TACR3: variants seen among roughly 807,000 people sequenced by gnomAD.
TACR3 encodes tachykinin receptor 3, also known as neuromedin-K receptor.
In TACR3, 34 loss-of-function variants were observed where a neutral mutation model predicts 35.0. That is an observed-to-expected ratio of 0.97 (90% CI 0.74 to 1.30). The LOEUF (loss-of-function observed/expected upper bound fraction) is 1.30, where lower values mean the gene tolerates loss of function less well. TACR3 is among the 50% of genes most tolerant of loss of function. The pLI is 0.00. For missense variants in TACR3, 558 were observed against 591.7 expected (o/e 0.94, Z 0.59); for synonymous variants, 233 against 221.1 (o/e 1.05, Z -0.48).
chr4:103,594,503 T>A (rs950105528), intron 3 of TACR3, among the ~76,000 whole-genome samples: 7 of 152,154 alleles, frequency 4.6e-5, no homozygotes, highest in Non-Finnish European at 8.8e-5. Context: ...ATGGGGCACA[T>A]GAAAGCATTA....
intron 1 of TACR3, among the ~76,000 whole-genome samples, chr4:103,683,240 C>T (rs1042622813): frequency 5.3e-5 from 8 of 151,666 alleles, no homozygotes; most frequent in Admixed American, 2.0e-4. Flanking sequence ...GAATTAAATG[C>T]TTACATAAAA....
intron 1 of TACR3, among the ~76,000 whole-genome samples, chr4:103,671,387 G>A (rs865915835): frequency 6.6e-6 from 1 of 151,850 alleles, no homozygotes; most frequent in Non-Finnish European, 1.5e-5. Context: ...TTAAATGTTT[G>A]GTAGAATTAA....
At chr4:103,598,555 T>C (rs1288038827) in intron 3 of TACR3, among the ~76,000 whole-genome samples, 2 of 152,202 alleles carry the variant, frequency 1.3e-5, no homozygotes, top group Non-Finnish European at 2.9e-5. Context: ...TGGTATTGCC[T>C]ATGTTTTCTT....
At chr4:103,638,728 TCAAA>T (rs1725271020) in intron 3 of TACR3, among the ~76,000 whole-genome samples, 2 of 151,930 alleles carry the variant, frequency 1.3e-5, no homozygotes, top group South Asian at 4.2e-4. Flanking sequence ...TACAATGAAC[TCAAA>T]CAAATTTACA....
intron 3 of TACR3, among the ~76,000 whole-genome samples, chr4:103,629,317 G>T (rs1258792008): frequency 6.6e-6 from 1 of 152,044 alleles, no homozygotes; most frequent in African/African-American, 2.4e-5. Context: ...AAGAAATAAA[G>T]GGTATTCAAT....
intron 1 of TACR3, among the ~76,000 whole-genome samples, chr4:103,670,719 T>C (rs188718125): frequency 2.0e-4 from 30 of 152,160 alleles, no homozygotes; most frequent in Non-Finnish European, 3.5e-4. Flanking sequence ...TCATTTTTAG[T>C]GGAGTCTTTA....
chr4:103,660,397 G>A (rs754776290), intron 1 of TACR3, among the ~76,000 whole-genome samples: 30 of 152,138 alleles, frequency 2.0e-4, no homozygotes, highest in Non-Finnish European at 3.5e-4. Flanking sequence ...AGGGCTCAAT[G>A]TATATAAAGT....
intron 4 of TACR3, chr4:103,591,286 G>T (rs1578215696): frequency 8.1e-6 from 5 of 614,494 alleles, no homozygotes; most frequent in South Asian, 7.9e-5. Context: ...ATTATTTGGG[G>T]CATCTAATTA....
chr4:103,662,713 T>G (rs762531197), intron 1 of TACR3, among the ~76,000 whole-genome samples: 1 of 152,098 alleles, frequency 6.6e-6, no homozygotes, highest in Non-Finnish European at 1.5e-5. Flanking sequence ...GAAACAGATA[T>G]GTAGGGAGAA....
intron 1 of TACR3, among the ~76,000 whole-genome samples, chr4:103,718,193 G>T (rs1246488051): frequency 1.3e-5 from 2 of 152,084 alleles, no homozygotes; most frequent in African/African-American, 4.8e-5. Context: ...GTTTGTTAAT[G>T]TTTAAAAATA....
At position 103,591,560 on chromosome 4, in the gene TACR3, A is replaced by G. The variant is rs377081134; in HGVS notation, c.1012T>C (p.Tyr338His). 6.2e-7 allele frequency: 1 copy of G among 1,613,832 alleles called. No individual in the cohort carries two copies. The highest frequency in any genetic ancestry group is 1.3e-5 in the African/African-American group (1 of 74,930). ...ATTGCCAGCCAAAAGCTAGCCAGGT[A>G]GACCTGCTGGATGTATTTCCATCTA... ...LNRWKYIQQV[Y>H]LASFWLAMSS... Residue 338 changes from tyrosine to histidine, a missense_variant, in exon 4 of 5, where the codon TAC (tyrosine) becomes CAC (histidine). Coordinates refer to ENST00000304883, the MANE Select transcript of TACR3 (RefSeq NM_001059.3).
At chr4:103,611,155 G>C (rs888843088) in intron 3 of TACR3, among the ~76,000 whole-genome samples, 1 of 151,972 alleles carries the variant, frequency 6.6e-6, no homozygotes, top group Non-Finnish European at 1.5e-5. Flanking sequence ...CTATTTCTGT[G>C]AACACTTTCA....
chr4:103,631,229 T>C (rs1725057835), intron 3 of TACR3, among the ~76,000 whole-genome samples: 1 of 151,992 alleles, frequency 6.6e-6, no homozygotes, highest in African/African-American at 2.4e-5. Flanking sequence ...CTAATGTAAA[T>C]GACGAGTTGA....
intron 1 of TACR3, among the ~76,000 whole-genome samples, chr4:103,707,571 T>A (rs565010971): frequency 1.3e-5 from 2 of 152,088 alleles, no homozygotes; most frequent in African/African-American, 4.8e-5. Context: ...GCTCCCAGTG[T>A]GAGCGACGCA....
At chr4:103,662,378 G>A (rs946394940) in intron 1 of TACR3, among the ~76,000 whole-genome samples, 5 of 151,910 alleles carry the variant, frequency 3.3e-5, no homozygotes, top group Admixed American at 1.3e-4. Context: ...CCGCCACCAC[G>A]CCCGGCTAAT....
intron 1 of TACR3, among the ~76,000 whole-genome samples, chr4:103,695,544 C>CA (rs2110219478): frequency 6.6e-6 from 1 of 152,164 alleles, no homozygotes; most frequent in South Asian, 2.1e-4. Context: ...ATATAACATA[C>CA]AAAATATGTG....
chr4:103,664,607 G>A (rs1251293020), intron 1 of TACR3, among the ~76,000 whole-genome samples: 2 of 152,034 alleles, frequency 1.3e-5, no homozygotes, highest in East Asian at 3.9e-4. Flanking sequence ...CACAAAATAC[G>A]GTCTGGCTAC....
intron 1 of TACR3, among the ~76,000 whole-genome samples, chr4:103,680,141 C>T (rs1157079064): frequency 6.6e-6 from 1 of 151,262 alleles, no homozygotes; most frequent in Non-Finnish European, 1.5e-5. Flanking sequence ...GGTTTCATCA[C>T]CCATTTGATG....
chr4:103,698,004 T>C (rs1722563414), intron 1 of TACR3, among the ~76,000 whole-genome samples: 1 of 152,190 alleles, frequency 6.6e-6, no homozygotes, highest in African/African-American at 2.4e-5. Context: ...TTCTGTTATT[T>C]TAAAAGATAA....
Sources: allele counts gnomAD v4.1 joint callset (sites outside exome capture counted in the v4.1 genomes callset), GRCh38; gene constraint gnomAD v4.1.1; transcripts MANE v1.5; gene names NCBI Gene and HGNC (gene_info 2026-07-23, HGNC 2026-07-21).